CCDC172: variants seen among roughly 807,000 people sequenced by gnomAD.
The protein encoded by CCDC172 is coiled-coil domain-containing protein 172.
In CCDC172, 30 loss-of-function variants were observed where a neutral mutation model predicts 38.0. That is an observed-to-expected ratio of 0.79 (90% confidence interval 0.59 to 1.07). The LOEUF (loss-of-function observed/expected upper bound fraction) is 1.07, where lower values mean the gene tolerates loss of function less well. Among genes scored for constraint, CCDC172 ranks in the 50% least tolerant of loss-of-function variants. The pLI is 0.00. For synonymous variants in CCDC172, 78 were observed against 88.3 expected (o/e 0.88, Z 0.66); for missense variants, 297 against 290.1 (o/e 1.02, Z -0.17).
At chr10:116,361,958 G>A (rs947640943) in intron 7 of CCDC172, among the ~76,000 whole-genome samples, 4 of 152,144 alleles carry the variant, frequency 2.6e-5, no homozygotes, top group African/African-American at 4.8e-5. Flanking sequence ...GGAGGCCAAC[G>A]GGGGCAGATC....
At position 116,357,866 on chromosome 10, in the gene CCDC172, G is replaced by T. The variant is rs1642127109; in HGVS notation, c.581G>T (p.Cys194Phe). 6.5e-7 allele frequency: 1 copy of T among 1,547,572 alleles called. No individual in the cohort carries two copies. The change falls in exon 7 of 9, where the codon TGT becomes TTT. Residue 194 changes from cysteine to phenylalanine, a missense_variant. Transcript: ENST00000333254. ...VFEDEENESI[C>F]TTKYLEAEKI... Reference sequence around the variant, plus strand: ...GAAGATGAAGAGAATGAATCCATTTGTACTACCAAATATCTAGAGGCAGAA... The same window carrying T: ...GAAGATGAAGAGAATGAATCCATTTTTACTACCAAATATCTAGAGGCAGAA...
At chr10:116,336,641 G>T (rs952879865) in intron 3 of CCDC172, among the ~76,000 whole-genome samples, 5 of 151,114 alleles carry the variant, frequency 3.3e-5, no homozygotes, top group Non-Finnish European at 7.4e-5. Flanking sequence ...TTTCCCAATT[G>T]TTATGGTTTT....
chr10:116,367,296 T>A (rs1845134980), intron 7 of CCDC172, among the ~76,000 whole-genome samples: 1 of 152,202 alleles, frequency 6.6e-6, no homozygotes, highest in African/African-American at 2.4e-5. Flanking sequence ...TATGAGGTGA[T>A]GGATATACAA....
At chr10:116,368,593 C>A (rs1314648523) in intron 7 of CCDC172, among the ~76,000 whole-genome samples, 1 of 151,916 alleles carries the variant, frequency 6.6e-6, no homozygotes, top group Non-Finnish European at 1.5e-5. Flanking sequence ...TTTTTAAAAA[C>A]CACTTTTTTT....
intron 3 of CCDC172, 108 bp downstream of exon 3, chr10:116,325,496 G>A (rs974868183): frequency 1.3e-6 from 1 of 794,884 alleles, no homozygotes. Flanking sequence ...TAGGAAGCAC[G>A]TTACTCTGTG....
chr10:116,338,262 ACTTTT>A (rs1434596385), intron 3 of CCDC172, among the ~76,000 whole-genome samples: 1 of 152,086 alleles, frequency 6.6e-6, no homozygotes, highest in East Asian at 1.9e-4. Flanking sequence ...ACTTACCAAG[ACTTTT>A]GTATTAACAT....
intron 3 of CCDC172, among the ~76,000 whole-genome samples, chr10:116,338,744 T>C (rs1844759722): frequency 6.6e-6 from 1 of 152,124 alleles, no homozygotes; most frequent in Non-Finnish European, 1.5e-5. Context: ...CCTTAATTTC[T>C]GAGTCCTTAA....
intron 5 of CCDC172, among the ~76,000 whole-genome samples, chr10:116,349,480 C>T (rs373831626): frequency 6.6e-5 from 10 of 152,118 alleles, no homozygotes; most frequent in African/African-American, 2.4e-4. Context: ...TCCACCCTCC[C>T]AATTCCATAT....
chr10:116,369,629 A>G (rs562924295), intron 7 of CCDC172, among the ~76,000 whole-genome samples: 2 of 152,200 alleles, frequency 1.3e-5, no homozygotes, highest in Non-Finnish European at 2.9e-5. Context: ...ATGAATAGAC[A>G]CTTAAATTGT....
At chr10:116,354,832 A>G (rs4751584) in intron 5 of CCDC172, among the ~76,000 whole-genome samples, 35,370 of 152,164 alleles carry the variant, frequency 0.23, 6,350 homozygotes, top group African/African-American at 0.47. Flanking sequence ...ACAAGATGTT[A>G]TGGAGGTCAA....
chr10:116,366,391 A>G lies in CCDC172; in HGVS notation c.653+8453A>G, dbSNP rs184081714. ...TATATATAATTTTCTTTATAGTATT[A>G]TATAACTAACTTTAGTTTACAGCAT... is the stretch of plus-strand genomic sequence containing the variant. On this transcript the variant is annotated intron_variant, in intron 7 of 8. Transcript: ENST00000333254. 4.9e-3 allele frequency among the ~76,000 whole-genome samples: 741 copies of G among 152,278 alleles called. 1 individual carries two copies. Among genetic ancestry groups the G allele is most frequent in the Non-Finnish European group, 8.6e-3 (584 of 68,004 alleles).
intron 3 of CCDC172, among the ~76,000 whole-genome samples, chr10:116,336,520 AAGAT>A (rs1477914987): frequency 6.6e-6 from 1 of 151,888 alleles, no homozygotes; most frequent in African/African-American, 2.4e-5. Context: ...GAAAAGTATA[AAGAT>A]AGATCTTTTT....
intron 5 of CCDC172, among the ~76,000 whole-genome samples, chr10:116,346,286 C>T (rs187971960): frequency 0.011 from 1,212 of 113,784 alleles, 10 homozygotes; most frequent in Admixed American, 0.016. Flanking sequence ...AGTGAGACTT[C>T]GTCTCAAAAA....
chr10:116,364,342 G>T (rs1472347928), intron 7 of CCDC172, among the ~76,000 whole-genome samples: 1 of 152,084 alleles, frequency 6.6e-6, no homozygotes, highest in African/African-American at 2.4e-5. Flanking sequence ...ATGGCTGGTG[G>T]CAGTATACAT....
chr10:116,349,132 G>A (rs1048745640), intron 5 of CCDC172, among the ~76,000 whole-genome samples: 3 of 152,132 alleles, frequency 2.0e-5, no homozygotes, highest in Admixed American at 6.6e-5. Flanking sequence ...TCTAATGGCT[G>A]ATGATTTGCC....
chr10:116,371,767 C>T (rs1051829476), intron 7 of CCDC172, among the ~76,000 whole-genome samples: 2 of 151,808 alleles, frequency 1.3e-5, no homozygotes, highest in Non-Finnish European at 2.9e-5. Flanking sequence ...CATTTAAAGA[C>T]AAGAAGGAAT....
chr10:116,335,428 C>T (rs1014685465), intron 3 of CCDC172, among the ~76,000 whole-genome samples: 5 of 151,356 alleles, frequency 3.3e-5, no homozygotes, highest in Admixed American at 6.6e-5. Flanking sequence ...CTTTGGCCCT[C>T]TGGAAGGGTA....
At chr10:116,349,059 G>A (rs939214662) in intron 5 of CCDC172, among the ~76,000 whole-genome samples, 26 of 152,094 alleles carry the variant, frequency 1.7e-4, no homozygotes, top group African/African-American at 6.3e-4. Flanking sequence ...TTAGATTCTC[G>A]AACATAAACC....
intron 4 of CCDC172, 130 bp downstream of exon 4, chr10:116,340,980 G>A: frequency 1.5e-6 from 1 of 665,694 alleles, no homozygotes. Flanking sequence ...ATACAGGAAA[G>A]TATTAAGTGC....
Sources: gnomAD v4.1 joint callset for allele counts (sites outside exome capture counted in the v4.1 genomes callset) on GRCh38, gnomAD v4.1.1 for gene constraint, MANE v1.5 for transcripts, NCBI Gene and HGNC (gene_info 2026-07-23, HGNC 2026-07-21) for gene names.